Variants in ITGA1 observed in about 807,000 individuals in gnomAD.
ITGA1 encodes integrin subunit alpha 1.
In ITGA1, 85 loss-of-function variants were observed where a neutral mutation model predicts 145.9. The observed-to-expected ratio is 0.58, with a 90% CI of 0.49 to 0.70. The LOEUF (loss-of-function observed/expected upper bound fraction) is 0.70. Among genes scored for constraint, ITGA1 ranks in the 30% least tolerant of loss-of-function variants. ITGA1 has a pLI of 0.00. For missense variants in ITGA1, 1,351 were observed against 1,418.7 expected, an observed-to-expected ratio of 0.95 and a Z score of 0.77; for synonymous variants, 520 against 495.3, an observed-to-expected ratio of 1.05 and a Z score of -0.66.
chr5:52,843,173 C>T (rs1208900665), intron 1 of ITGA1, among the ~76,000 whole-genome samples: 1 of 152,112 alleles, frequency 6.6e-6, no homozygotes, highest in Non-Finnish European at 1.5e-5. Context: ...AGAATTTGCC[C>T]TAAAACCATT....
chr5:52,851,471 A>C (rs1749430708), intron 2 of ITGA1, among the ~76,000 whole-genome samples: 1 of 152,216 alleles, frequency 6.6e-6, no homozygotes, highest in South Asian at 2.1e-4. Flanking sequence ...TTGAAAAATC[A>C]GGCCTGAATG....
chr5:52,865,057 C>G lies in ITGA1; in HGVS notation c.471C>G (p.Val157=), dbSNP rs780873603. The change falls in exon 5 of 29, where the codon GTC becomes GTG. Residue 157 remains valine (V), a synonymous_variant. Coordinates refer to ENST00000282588, the MANE Select transcript of ITGA1 (RefSeq NM_181501.2). ...ICSDVSPTFQ[V]VNSIAPVQEC... ...CTGACGTCAGCCCCACATTTCAAGT[C>G]GTGAATTCCATTGCCCCTGTACAAG... is the stretch of plus-strand genomic sequence containing the variant. The G allele has an allele frequency of 6.2e-7, 1 of 1,613,118 alleles. No individual in the cohort carries two copies. Among genetic ancestry groups the G allele is most frequent in the African/African-American group, 1.3e-5 (1 of 74,878 alleles).
chr5:52,952,609 CA>C lies in ITGA1; in HGVS notation c.*163del. The C allele has an allele frequency of 2.9e-6, 1 of 340,654 alleles. No homozygotes were observed. The highest frequency in any genetic ancestry group is 5.0e-5 in the Admixed American group (1 of 20,106). The allele number at this position is 340,654 out of a possible 1,614,324, so 21.1% of individuals were successfully genotyped here. On this transcript the variant is annotated 3_prime_UTR_variant, in exon 29 of 29. Transcript: ENST00000282588. ...GGAAAATGACAGGTCATGCATTATC[CA>C]AAAACAATACCAAAAAGACATATTT...
At chr5:52,864,269 T>C (rs1390524776) in intron 3 of ITGA1, among the ~76,000 whole-genome samples, 2 of 152,290 alleles carry the variant, frequency 1.3e-5, no homozygotes, top group Admixed American at 1.3e-4. Context: ...GCTCTAATAT[T>C]CCTCTAGTTT....
chr5:52,853,198 T>C (rs986854251), intron 2 of ITGA1, among the ~76,000 whole-genome samples: 1 of 152,182 alleles, frequency 6.6e-6, no homozygotes, highest in Non-Finnish European at 1.5e-5. Context: ...AATTTAAAAG[T>C]AAGCAAATTA....
Position 52,918,807 on chromosome 5 carries a change from C to A in ITGA1, c.2064C>A (p.Cys688Ter). Residue 688 changes from cysteine to a stop codon, truncating the protein, a stop_gained, in exon 16 of 29, where the codon TGC becomes TGA. Coordinates refer to ENST00000282588, the MANE Select transcript of ITGA1 (RefSeq NM_181501.2). LOFTEE classifies it high-confidence loss of function. ...AAGTGAATATTCAAAAGAAAAACTG[C>A]CATATGGAGGGAAAGGAAACAGTAT... Reference protein sequence around the residue: ...PNKVNIQKKNCHMEGKETVCI... With the variant: ...PNKVNIQKKN The A allele has an allele frequency of 1.2e-6, 2 of 1,611,536 alleles. No homozygotes were observed. Among genetic ancestry groups the A allele is most frequent in the Non-Finnish European group, 1.7e-6 (2 of 1,178,742 alleles).
At chr5:52,867,502 C>A (rs1370044741) in intron 6 of ITGA1, among the ~76,000 whole-genome samples, 1 of 152,092 alleles carries the variant, frequency 6.6e-6, no homozygotes, top group African/African-American at 2.4e-5. Flanking sequence ...ACCTTTTTAT[C>A]CCGTCTTGCT....
chr5:52,882,016 A>T lies in ITGA1; in HGVS notation c.768A>T (p.Thr256=), dbSNP rs1435960194. 2 of 1,608,522 alleles carry T rather than the reference A, an allele frequency of 1.2e-6. No homozygotes were observed. The highest frequency in any genetic ancestry group is 1.7e-6 in the Non-Finnish European group (2 of 1,177,656). Residue 256 remains threonine, a synonymous_variant, in exon 7 of 29, where the codon ACA becomes ACT. Coordinates refer to ENST00000282588, the MANE Select transcript of ITGA1 (RefSeq NM_181501.2). ...RQTMTALGID[T]ARKEAFTEAR... Reference sequence around the variant, plus strand: ...CTATGACAGCTCTTGGAATAGACACAGCAAGGTATATGGATAAAAAAATAA... The same window carrying T: ...CTATGACAGCTCTTGGAATAGACACTGCAAGGTATATGGATAAAAAAATAA...
At chr5:52,846,208 C>T (rs1749333281) in intron 1 of ITGA1, among the ~76,000 whole-genome samples, 1 of 152,102 alleles carries the variant, frequency 6.6e-6, no homozygotes, top group Non-Finnish European at 1.5e-5. Flanking sequence ...TGAGACCAGC[C>T]TGGCCAACAT....
At chr5:52,941,505 T>C (rs1561255854) in intron 26 of ITGA1, among the ~76,000 whole-genome samples, 1 of 152,204 alleles carries the variant, frequency 6.6e-6, no homozygotes, top group Non-Finnish European at 1.5e-5. Context: ...TTTTGGCTTT[T>C]ATTTGCATTT....
At position 52,933,946 on chromosome 5, in the gene ITGA1, G is replaced by C. The variant is rs773392703; in HGVS notation, c.2914G>C (p.Val972Leu). ...TGCTGCCAATGAGACAGTCCCTGAA[G>C]TTATTAATTCTACTGAGGACATTGG... ...SIAANETVPE[V>L]INSTEDIGNE... is the part of the protein sequence containing the mutation. Residue 972 changes from valine to leucine, a missense_variant, in exon 23 of 29, where the codon GTT becomes CTT. Transcript: ENST00000282588. The C allele has an allele frequency of 3.3e-6, 5 of 1,531,548 alleles. No homozygotes were observed. The highest frequency in any genetic ancestry group is 4.4e-6 in the Non-Finnish European group (5 of 1,134,084). The allele number at this position is 1,531,548 out of a possible 1,614,324, so 94.9% of individuals were successfully genotyped here. A position where few individuals can be genotyped will look rare whatever the true frequency, so the allele number is the denominator to read the frequency against.
At chr5:52,885,411 A>G (rs1318969251) in intron 7 of ITGA1, among the ~76,000 whole-genome samples, 1 of 152,132 alleles carries the variant, frequency 6.6e-6, no homozygotes, top group Non-Finnish European at 1.5e-5. Context: ...CACCTAGGAA[A>G]TTCAACAGAT....
At chr5:52,860,681 G>A (rs1481539275) in intron 2 of ITGA1, among the ~76,000 whole-genome samples, 1 of 152,236 alleles carries the variant, frequency 6.6e-6, no homozygotes, top group Non-Finnish European at 1.5e-5. Context: ...TACTCAGCCA[G>A]CAATAAATCA....
intron 14 of ITGA1, among the ~76,000 whole-genome samples, chr5:52,911,028 GTATACTGTATATACTATATATACTA>G (rs1750509978): frequency 3.2e-4 from 2 of 6,228 alleles, no homozygotes; most frequent in South Asian, 2.8e-3. Flanking sequence ...TATATAGTAT[GTATACTGTATATACTATATATACTA>G]TACATAGTGT....
At chr5:52,807,979 A>G (rs1166185061) in intron 1 of ITGA1, among the ~76,000 whole-genome samples, 1 of 152,178 alleles carries the variant, frequency 6.6e-6, no homozygotes, top group Non-Finnish European at 1.5e-5. Flanking sequence ...TAGAAATTAG[A>G]TATCAGCAGG....
At chr5:52,860,908 C>T (rs1749587641) in intron 2 of ITGA1, among the ~76,000 whole-genome samples, 1 of 152,194 alleles carries the variant, frequency 6.6e-6, no homozygotes, top group Middle Eastern at 3.2e-3. Flanking sequence ...TTTCTAAGCA[C>T]TTATAAACTA....
At chr5:52,948,069 A>G (rs1445271708) in intron 28 of ITGA1, among the ~76,000 whole-genome samples, 1 of 152,178 alleles carries the variant, frequency 6.6e-6, no homozygotes, top group African/African-American at 2.4e-5. Context: ...AAATGTGAGT[A>G]ACCACCTATT....
chr5:52,863,963 TCC>T (rs1450421984), intron 3 of ITGA1: 1 of 152,156 alleles, frequency 6.6e-6, no homozygotes, highest in African/African-American at 2.4e-5. Context: ...CTGCTTCCAT[TCC>T]CCACTTTAAA....
chr5:52,915,407 G>T, intron 14 of ITGA1, 57 bp from the exon 15 acceptor site: 1 of 1,532,624 alleles, frequency 6.5e-7, no homozygotes, highest in Non-Finnish European at 8.9e-7. Flanking sequence ...AGATTTATTT[G>T]AAACTGTTTT....
Sources: allele counts gnomAD v4.1 joint callset (sites outside exome capture counted in the v4.1 genomes callset), GRCh38; gene constraint gnomAD v4.1.1; transcripts MANE v1.5; gene names NCBI Gene and HGNC (gene_info 2026-07-23, HGNC 2026-07-21).